TTLL7: variants seen among roughly 807,000 people sequenced by gnomAD.
TTLL7 encodes the protein tubulin polyglutamylase TTLL7.
TTLL7 carries 53 observed loss-of-function variants against 120.2 expected under a neutral mutation model. The observed-to-expected ratio is 0.44, with a 90% CI of 0.35 to 0.55. The LOEUF (loss-of-function observed/expected upper bound fraction) is 0.55. Among genes scored for constraint, TTLL7 ranks in the 20% least tolerant of loss-of-function variants. The probability of loss-of-function intolerance (pLI) is 0.00; values close to 1 mark genes in which losing one functional copy is unlikely to be tolerated. For missense variants in TTLL7, 803 were observed against 1,054.7 expected, an observed-to-expected ratio of 0.76 and a Z score of 3.31; for synonymous variants, 353 against 351.7, an observed-to-expected ratio of 1.00 and a Z score of -0.04.
chr1:83,950,677 A>AG (rs1648955339), intron 3 of TTLL7, among the ~76,000 whole-genome samples: 1 of 152,204 alleles, frequency 6.6e-6, no homozygotes. Context: ...AATAAAGATA[A>AG]GCAGAAGACT....
intron 19 of TTLL7, among the ~76,000 whole-genome samples, chr1:83,884,696 G>A (rs1466940417): frequency 7.1e-6 from 1 of 141,070 alleles, no homozygotes; most frequent in Non-Finnish European, 1.5e-5. Flanking sequence ...ACACAGGAAG[G>A]GGAACATCGC....
At chr1:83,903,406 C>T (rs1273477612) in intron 18 of TTLL7, among the ~76,000 whole-genome samples, 1 of 151,946 alleles carries the variant, frequency 6.6e-6, no homozygotes, top group Non-Finnish European at 1.5e-5. Context: ...ACTACCTTCC[C>T]TCTATTTTTT....
intron 7 of TTLL7, 102 bp from the exon 8 acceptor site, chr1:83,938,118 G>C (rs1472211941): frequency 1.0e-6 from 1 of 1,000,324 alleles, no homozygotes; most frequent in African/African-American, 1.6e-5. Flanking sequence ...AAGTTTTAAA[G>C]TTTAAACTAC....
chr1:83,962,345 C>T (rs1247540455), intron 1 of TTLL7, among the ~76,000 whole-genome samples: 1 of 152,060 alleles, frequency 6.6e-6, no homozygotes, highest in Non-Finnish European at 1.5e-5. Context: ...TTTCCTTTGA[C>T]CTCTTACTTT....
At chr1:83,883,166 T>C (rs1394998771) in intron 19 of TTLL7, 30 bp from the exon 20 acceptor site, 1 of 1,534,942 alleles carries the variant, frequency 6.5e-7, no homozygotes, top group African/African-American at 1.4e-5. Flanking sequence ...CATGATCTCA[T>C]GTTGGCTGTT....
In TTLL7 at chr1:83,947,215, T is replaced by C. The variant is rs756875430; in HGVS notation, c.415A>G (p.Thr139Ala). The change falls in exon 6 of 21, where the codon ACT becomes GCT. Residue 139 changes from threonine (T) to alanine (A), a missense_variant. Thr to Ala is a moderately conservative substitution (Grantham distance 58). Around this residue, in one of 3 missense-constraint regions of TTLL7, gnomAD observed 324 missense variants for 507.7 expected, o/e 0.64. Coordinates refer to ENST00000260505, the MANE Select transcript of TTLL7 (RefSeq NM_024686.6). ...PRTWIFPAEY[T>A]QFQNYVKELK... is the part of the protein sequence containing the mutation. ...TCTTTCACATAATTTTGGAATTGAG[T>C]ATATTCAGCAGGAAAGATCCAAGTT... The C allele has an allele frequency of 6.2e-7, 1 of 1,613,010 alleles. No individual in the cohort carries two copies. Among genetic ancestry groups the C allele is most frequent in the East Asian group, 2.2e-5 (1 of 44,782 alleles).
intron 16 of TTLL7, 45 bp downstream of exon 16, chr1:83,907,408 GAGT>G (rs1351441294): frequency 1.9e-6 from 3 of 1,549,704 alleles, no homozygotes; most frequent in Non-Finnish European, 2.7e-6. Flanking sequence ...CCCTTTGCCT[GAGT>G]ACAGAGCTCC....
intron 6 of TTLL7, among the ~76,000 whole-genome samples, chr1:83,944,394 A>G (rs902084472): frequency 4.6e-5 from 7 of 152,188 alleles, no homozygotes; most frequent in Admixed American, 3.9e-4. Flanking sequence ...AACACCAGAA[A>G]GGTGACTACT....
At chr1:83,971,646 G>A (rs899859299) in intron 1 of TTLL7, among the ~76,000 whole-genome samples, 1 of 151,952 alleles carries the variant, frequency 6.6e-6, no homozygotes, top group Admixed American at 6.6e-5. Flanking sequence ...TCTTGGTTCT[G>A]TACTCCATCA....
chr1:83,973,430 G>T lies in TTLL7; in HGVS notation c.-176-21043C>A, dbSNP rs1571353156. 2.0e-5 allele frequency among the ~76,000 whole-genome samples: 3 copies of T among 151,906 alleles called. No homozygotes were observed. In the East Asian group the frequency reaches 5.8e-4, roughly 29 times the overall value. On this transcript the variant is annotated intron_variant, in intron 1 of 20. Transcript: ENST00000260505. ...TCTATTTTGTCCTATTGATCTATTT[G>T]TCTATTCTTTTGCCAATACCATACT...
intron 1 of TTLL7, among the ~76,000 whole-genome samples, chr1:83,990,019 T>A (rs1315598915): frequency 6.6e-6 from 1 of 152,108 alleles, no homozygotes; most frequent in Non-Finnish European, 1.5e-5. Flanking sequence ...TATAGAAATG[T>A]TACTGGTTTT....
intron 20 of TTLL7, among the ~76,000 whole-genome samples, chr1:83,874,531 A>AT (rs962878956): frequency 1.3e-5 from 2 of 151,904 alleles, no homozygotes; most frequent in African/African-American, 4.8e-5. Context: ...TCTATATTTA[A>AT]TTTTTTAGAA....
chr1:83,879,794 A>G (rs1654282212), intron 20 of TTLL7: 1 of 152,004 alleles, frequency 6.6e-6, no homozygotes, highest in South Asian at 2.1e-4. Flanking sequence ...CATCCTGACC[A>G]TTTATCAGAA....
In TTLL7 at chr1:83,866,236, G is replaced by A. The variant is rs557073692; in HGVS notation, c.*3726C>T. On this transcript the variant is annotated 3_prime_UTR_variant, in exon 21 of 21. Coordinates refer to ENST00000260505, the MANE Select transcript of TTLL7 (RefSeq NM_024686.6). ...AATGTTTTTTAGAAAATCAAATAAT[G>A]GCATTTCTGCAGCTATCAATTTTTT... is the stretch of plus-strand genomic sequence containing the variant. 1 of 151,798 alleles carries A rather than the reference G, an allele frequency of 6.6e-6. No individual in the cohort carries two copies. Among genetic ancestry groups the A allele is most frequent in the Non-Finnish European group, 1.5e-5 (1 of 67,724 alleles). 9.4% of individuals were successfully genotyped at this position (151,798 alleles called of 1,614,324 possible).
At chr1:83,985,454 A>T (rs1652355179) in intron 1 of TTLL7, among the ~76,000 whole-genome samples, 1 of 152,182 alleles carries the variant, frequency 6.6e-6, no homozygotes, top group South Asian at 2.1e-4. Flanking sequence ...ACTGACTCAA[A>T]TGTCAATCTC....
At chr1:83,951,284 G>A (rs1188784412) in intron 3 of TTLL7, among the ~76,000 whole-genome samples, 1 of 151,866 alleles carries the variant, frequency 6.6e-6, no homozygotes, top group East Asian at 1.9e-4. Context: ...GGGAGACGGA[G>A]CTTGCAGTGA....
chr1:83,940,320 T>A (rs1647834792), intron 7 of TTLL7, among the ~76,000 whole-genome samples: 1 of 152,202 alleles, frequency 6.6e-6, no homozygotes, highest in South Asian at 2.1e-4. Context: ...TAATCCACTC[T>A]TACCCATGCC....
chr1:83,880,496 T>G (rs1654346978), intron 20 of TTLL7, among the ~76,000 whole-genome samples: 1 of 151,988 alleles, frequency 6.6e-6, no homozygotes, highest in Non-Finnish European at 1.5e-5. Flanking sequence ...TCCCCAAGTT[T>G]TTTAAACAAA....
At chr1:83,987,550 A>G (rs1571400240) in intron 1 of TTLL7, among the ~76,000 whole-genome samples, 1 of 152,350 alleles carries the variant, frequency 6.6e-6, no homozygotes, top group East Asian at 1.9e-4. Flanking sequence ...TCATCATTAC[A>G]TAGTCTCAAG....
Sources: gnomAD v4.1 joint callset for allele counts (sites outside exome capture counted in the v4.1 genomes callset) on GRCh38, gnomAD v4.1.1 for gene constraint, gnomAD v4.1.1 regional missense constraint, MANE v1.5 for transcripts, NCBI Gene and HGNC (gene_info 2026-07-23, HGNC 2026-07-21) for gene names.